DISC1: variants seen among roughly 807,000 people sequenced by gnomAD.
The protein encoded by DISC1 is DISC1 scaffold protein.
A neutral mutation model predicts 84.5 loss-of-function variants in DISC1; 57 were observed. The ratio of observed to expected loss-of-function variants is 0.67; its 90% confidence interval spans 0.55 to 0.84. The LOEUF is 0.84. Ranked by LOEUF, DISC1 falls within the 40% of genes least tolerant of loss-of-function variation. The probability of loss-of-function intolerance (pLI) is 0.00; values close to 1 mark genes in which losing one functional copy is unlikely to be tolerated. For synonymous variants in DISC1, 411 were observed against 415.2 expected, an observed-to-expected ratio of 0.99 and a Z score of 0.12; for missense variants, 1,000 against 1,057.8, an observed-to-expected ratio of 0.95 and a Z score of 0.76.
chr1:231,817,739 A>G (rs1225147748), intron 8 of DISC1, among the ~76,000 whole-genome samples: 2 of 152,170 alleles, frequency 1.3e-5, no homozygotes, highest in South Asian at 2.1e-4. Flanking sequence ...GTATCCTGCA[A>G]TCTTGCTACA....
chr1:231,680,044 A>G (rs996176125), intron 1 of DISC1, among the ~76,000 whole-genome samples: 1 of 152,108 alleles, frequency 6.6e-6, no homozygotes, highest in East Asian at 1.9e-4. Context: ...CCTGGCCAAC[A>G]TGGGGAAACC....
At position 231,866,825 on chromosome 1, in the gene DISC1, A is replaced by G. The variant is rs1220119448; in HGVS notation, c.1981+48308A>G. ...TCATGATAGTTTCTTAATACGAGGA[A>G]ATGTTGTCATTGCGGTTCTCTGAAC... On this transcript the variant is annotated intron_variant, in intron 9 of 12. Transcript: ENST00000439617. 3 of 909,142 alleles carry G rather than the reference A, an allele frequency of 3.3e-6. No homozygotes were observed. In the African/African-American group the frequency reaches 5.1e-5, roughly 15 times the overall value. The allele number at this position is 909,142 out of a possible 1,614,324, so 56.3% of individuals were successfully genotyped here.
intron 1 of DISC1, among the ~76,000 whole-genome samples, chr1:231,692,467 C>A (rs201646861): frequency 8.5e-5 from 13 of 152,312 alleles, no homozygotes; most frequent in Non-Finnish European, 1.8e-4. Flanking sequence ...CAATGCCACC[C>A]CCACCCCTTT....
At chr1:231,847,012 T>A (rs987601625) in intron 9 of DISC1, among the ~76,000 whole-genome samples, 1 of 152,222 alleles carries the variant, frequency 6.6e-6, no homozygotes, top group Non-Finnish European at 1.5e-5. Context: ...ATTATAAAGA[T>A]CATTGTTCTT....
At position 231,818,747 on chromosome 1, in the gene DISC1, C is replaced by T. The variant is rs1310027141; in HGVS notation, c.1981+230C>T. 9.4e-6 allele frequency: 13 copies of T among 1,379,346 alleles called. No individual in the cohort carries two copies. In the Admixed American group the frequency reaches 1.2e-4, roughly 13 times the overall value. 85.4% of individuals were successfully genotyped at this position (1,379,346 alleles called of 1,614,324 possible). On this transcript the variant is annotated intron_variant, in intron 9 of 12. Coordinates refer to ENST00000439617, the MANE Select transcript of DISC1 (RefSeq NM_018662.3). ...GTGACATCTTTTCTTTTTCTGTTCC[C>T]TGTCTCAACCTGTGTTTGCTAATAG...
At chr1:231,752,213 CTG>C (rs962223541) in intron 4 of DISC1, among the ~76,000 whole-genome samples, 1 of 152,168 alleles carries the variant, frequency 6.6e-6, no homozygotes, top group African/African-American at 2.4e-5. Context: ...AAAGAAATAA[CTG>C]AGACTGAGTA....
intron 8 of DISC1, chr1:231,813,130 A>AG (rs2080486477): frequency 6.6e-6 from 1 of 152,184 alleles, no homozygotes; most frequent in Non-Finnish European, 1.5e-5. Context: ...AAGGGATTAG[A>AG]GGGTGTATTT....
intron 9 of DISC1, among the ~76,000 whole-genome samples, chr1:231,895,345 G>A (rs2087600432): frequency 1.3e-5 from 2 of 150,948 alleles, no homozygotes; most frequent in Non-Finnish European, 2.9e-5. Context: ...TATTTTATAT[G>A]TATACTGTCA....
At chr1:231,832,507 C>T (rs1432185000) in intron 9 of DISC1, among the ~76,000 whole-genome samples, 6 of 151,956 alleles carry the variant, frequency 3.9e-5, no homozygotes, top group African/African-American at 1.5e-4. Flanking sequence ...AGAATTATGC[C>T]GAGATAGGTA....
chr1:232,015,285 C>A (rs1417236216), intron 11 of DISC1, among the ~76,000 whole-genome samples: 3 of 151,982 alleles, frequency 2.0e-5, no homozygotes, highest in African/African-American at 7.3e-5. Context: ...CTCACGGTGG[C>A]CCTTTTTCCA....
rs181696676 is a variant in DISC1 at position 231,833,979 on chromosome 1, G to A, written c.1981+15462G>A. Among the ~76,000 whole-genome samples, 52 of 152,194 alleles carry A rather than the reference G, an allele frequency of 3.4e-4. 1 individual carries two copies. The East Asian group carries it at 8.1e-3, about 24-fold the overall frequency. ...ATAAGACGGCCTTTTGACCTTTTAG[G>A]GTCCAGGGCTGTAAAGTGTCTCAGG... On this transcript the variant is annotated intron_variant, in intron 9 of 12. Coordinates refer to ENST00000439617, the MANE Select transcript of DISC1 (RefSeq NM_018662.3).
chr1:231,715,860 A>G (rs1164564248), intron 3 of DISC1, among the ~76,000 whole-genome samples: 1 of 152,176 alleles, frequency 6.6e-6, no homozygotes, highest in Non-Finnish European at 1.5e-5. Flanking sequence ...AATGTTTAGT[A>G]ACTGTCTCTG....
At chr1:231,867,083 T>A (rs1229600248) in intron 9 of DISC1, among the ~76,000 whole-genome samples, 1 of 152,212 alleles carries the variant, frequency 6.6e-6, no homozygotes, top group Non-Finnish European at 1.5e-5. Context: ...GCGTCAAACC[T>A]CTGCTTCAGT....
chr1:231,960,304 A>G (rs534825865), intron 10 of DISC1, among the ~76,000 whole-genome samples: 1 of 152,244 alleles, frequency 6.6e-6, no homozygotes, highest in East Asian at 1.9e-4. Context: ...CCCATGCTGT[A>G]GTGCAATGGC....
intron 1 of DISC1, among the ~76,000 whole-genome samples, chr1:231,635,828 A>G (rs897567419): frequency 2.6e-5 from 4 of 152,214 alleles, no homozygotes; most frequent in Non-Finnish European, 5.9e-5. Flanking sequence ...TTGTATATAT[A>G]TGTGTAAATT....
intron 1 of DISC1, among the ~76,000 whole-genome samples, chr1:231,633,344 G>A (rs1246790941): frequency 6.6e-6 from 1 of 152,210 alleles, no homozygotes; most frequent in Non-Finnish European, 1.5e-5. Flanking sequence ...GTCATTGGAA[G>A]TATGTAGGGC....
chr1:231,760,843 G>A (rs917149491), intron 4 of DISC1, among the ~76,000 whole-genome samples: 2 of 152,214 alleles, frequency 1.3e-5, no homozygotes, highest in East Asian at 3.9e-4. Flanking sequence ...GGGGGCCTGA[G>A]TGCTGGGCTG....
In DISC1 at chr1:231,741,307, G is replaced by T. The variant is rs903652711; in HGVS notation, c.1118-8619G>T. Among the ~76,000 whole-genome samples the T allele has an allele frequency of 3.9e-5, 6 of 152,222 alleles. No individual in the cohort carries two copies. The East Asian group carries it at 7.7e-4, about 19-fold the overall frequency. Reference sequence around the variant, plus strand: ...CCCTTGCAAGGCAGAGTAACATCTTGCTAGGTAGGTAGGCAGTGAACTTGA... The same window carrying T: ...CCCTTGCAAGGCAGAGTAACATCTTTCTAGGTAGGTAGGCAGTGAACTTGA... On this transcript the variant is annotated intron_variant, in intron 3 of 12. Coordinates refer to ENST00000439617, the MANE Select transcript of DISC1 (RefSeq NM_018662.3).
At chr1:231,654,134 G>A (rs997973707) in intron 1 of DISC1, among the ~76,000 whole-genome samples, 1 of 152,210 alleles carries the variant, frequency 6.6e-6, no homozygotes, top group East Asian at 1.9e-4. Context: ...CAATGGCTAC[G>A]TTTGAAGTGA....
Sources: gnomAD v4.1 joint callset for allele counts (sites outside exome capture counted in the v4.1 genomes callset) on GRCh38, gnomAD v4.1.1 for gene constraint, MANE v1.5 for transcripts, NCBI Gene and HGNC (gene_info 2026-07-23, HGNC 2026-07-21) for gene names.